The following ABCA6 variants were observed in gnomAD, a reference collection of about 807,000 sequenced individuals.
The protein encoded by ABCA6 is ATP-binding cassette sub-family A member 6.
Under a neutral mutation model 191.2 loss-of-function variants are expected in ABCA6, and 164 were observed. That is an observed-to-expected ratio of 0.86 (90% CI 0.76 to 0.98). The LOEUF is 0.98. ABCA6 is among the 50% of genes least tolerant of loss of function. The pLI is 0.00. For missense variants in ABCA6, 1,958 were observed against 1,894.1 expected (o/e 1.03, Z -0.63); for synonymous variants, 636 against 647.7 (o/e 0.98, Z 0.27).
intron 12 of ABCA6, 62 bp downstream of exon 12, chr17:69,115,314 C>G (rs1021162562): frequency 8.8e-7 from 1 of 1,138,184 alleles, no homozygotes; most frequent in African/African-American, 1.6e-5. Context: ...AAATGAGAGG[C>G]ATATGCTTGA....
chr17:69,140,407 C>T (rs1271963741), intron 2 of ABCA6, among the ~76,000 whole-genome samples: 4 of 152,098 alleles, frequency 2.6e-5, no homozygotes, highest in Non-Finnish European at 5.9e-5. Context: ...TTCACTTAAT[C>T]TCTTTTTATA....
chr17:69,134,985 T>C lies in ABCA6; in HGVS notation c.461-243A>G, dbSNP rs576355425. 6.9e-5 allele frequency among the ~76,000 whole-genome samples: 10 copies of C among 145,508 alleles called. No homozygotes were observed. The South Asian group carries it at 2.1e-3, about 30-fold the overall frequency. ...GCAACCTCCACCTCCTGGGTTCAAG[T>C]GATTCTCCTACCTCAGCCTCCCAAA... On this transcript the variant is annotated intron_variant, in intron 4 of 38. Transcript: ENST00000284425.
intron 6 of ABCA6, among the ~76,000 whole-genome samples, chr17:69,132,950 T>C (rs2073890952): frequency 6.6e-6 from 1 of 152,220 alleles, no homozygotes; most frequent in African/African-American, 2.4e-5. Context: ...TATGTAAATA[T>C]GTATACATAG....
intron 26 of ABCA6, among the ~76,000 whole-genome samples, chr17:69,090,394 T>C (rs1205686788): frequency 6.6e-6 from 1 of 152,212 alleles, no homozygotes; most frequent in Non-Finnish European, 1.5e-5. Flanking sequence ...TTTTCCTGCT[T>C]CAAGGCCTTT....
In ABCA6 at chr17:69,136,156, A is replaced by C. The variant is rs2073944682; in HGVS notation, c.396T>G (p.Thr132=). The C allele has an allele frequency of 6.2e-7, 1 of 1,607,124 alleles. No homozygotes were observed. Among genetic ancestry groups the C allele is most frequent in the Non-Finnish European group, 8.5e-7 (1 of 1,176,052 alleles). Residue 132 remains threonine (T), a synonymous_variant, in exon 4 of 39, where the codon ACT becomes ACG. Coordinates refer to ENST00000284425, the MANE Select transcript of ABCA6 (RefSeq NM_080284.3). ...PYAMGIIFNE[T]FSYKLIFFQG... is the part of the protein sequence containing the mutation. ...GGAAAAATATTAACTTATAAGAGAA[A>C]GTTTCATTAAAGATGATTCCCATAG...
At position 69,136,091 on chromosome 17, in the gene ABCA6, C is replaced by A. The variant is rs772836574; in HGVS notation, c.460+1G>T. 5.0e-6 allele frequency: 8 copies of A among 1,608,690 alleles called. No individual in the cohort carries two copies. The African/African-American group carries it at 6.7e-5, about 13-fold the overall frequency. ...TAATGATATTTGATATGGAAAGTCA[C>A]CTGAGAAATCTTCTTTCCAAAGTGG... On this transcript the variant is annotated splice_donor_variant, in intron 4 of 38. Coordinates refer to ENST00000284425, the MANE Select transcript of ABCA6 (RefSeq NM_080284.3). LOFTEE classifies it high-confidence loss of function.
chr17:69,103,566 G>A (rs369501213), intron 20 of ABCA6, among the ~76,000 whole-genome samples: 2 of 152,270 alleles, frequency 1.3e-5, no homozygotes, highest in Admixed American at 6.5e-5. Flanking sequence ...ACGTCTGACC[G>A]TGAAATACGA....
At chr17:69,081,485 A>G (rs575667837) in intron 36 of ABCA6, among the ~76,000 whole-genome samples, 1 of 152,302 alleles carries the variant, frequency 6.6e-6, no homozygotes, top group South Asian at 2.1e-4. Flanking sequence ...TTGTCATCAG[A>G]AAGCTAATTC....
At position 69,085,715 on chromosome 17, in the gene ABCA6, A is replaced by G. The variant is rs1447342633; in HGVS notation, c.3939T>C (p.Gly1313=). The G allele has an allele frequency of 6.3e-7, 1 of 1,590,648 alleles. No homozygotes were observed. Among genetic ancestry groups the G allele is most frequent in the Admixed American group, 1.7e-5 (1 of 58,354 alleles). The part of the protein sequence containing the change: ...ARNISFCVQE[G]EILGLLGPNG... ...TGGGTCCTAGCAATCCCAAAATTTC[A>G]CCTGAAAGAAAGAATCAGACTATCA... Residue 1313 remains glycine, a splice_region_variant and synonymous_variant, in exon 31 of 39, where the codon GGT becomes GGC. Transcript: ENST00000284425.
chr17:69,099,132 G>C (rs2073119079), intron 22 of ABCA6, among the ~76,000 whole-genome samples: 1 of 151,900 alleles, frequency 6.6e-6, no homozygotes. Flanking sequence ...TAACTTCAGG[G>C]AAAGGAACTT....
chr17:69,113,150 C>G lies in ABCA6; in HGVS notation c.2041+72G>C, dbSNP rs187399959. 9 of 1,524,140 alleles carry G rather than the reference C, an allele frequency of 5.9e-6. 1 individual carries two copies. In the South Asian group the frequency reaches 1.2e-4, roughly 20 times the overall value. The allele number at this position is 1,524,140 out of a possible 1,614,324, so 94.4% of individuals were successfully genotyped here. On this transcript the variant is annotated intron_variant, in intron 15 of 38. Coordinates refer to ENST00000284425, the MANE Select transcript of ABCA6 (RefSeq NM_080284.3). Reference sequence around the variant, plus strand: ...CACCATAATGAGAGCAGGGCTCTTACCCTGGGAATAGACCTCGCTTCTAAA... The same window carrying G: ...CACCATAATGAGAGCAGGGCTCTTAGCCTGGGAATAGACCTCGCTTCTAAA...
In ABCA6 at chr17:69,107,812, T is replaced by A. The variant is rs142343922; in HGVS notation, c.2273A>T (p.Asp758Val). ...LPLERTNTFP[D>V]LFSDLDKCSD... Reference sequence around the variant, plus strand: ...ACACTTATCCAGATCACTGAAAAGATCTAAGGCAAAAAAATATGAATAGAT... The same window carrying A: ...ACACTTATCCAGATCACTGAAAAGAACTAAGGCAAAAAAATATGAATAGAT... The change falls in exon 18 of 39, where the codon GAT becomes GTT. Residue 758 changes from aspartate (D) to valine (V), a missense_variant and splice_region_variant. Coordinates refer to ENST00000284425, the MANE Select transcript of ABCA6 (RefSeq NM_080284.3). 52 of 1,577,956 alleles carry A rather than the reference T, an allele frequency of 3.3e-5. No individual in the cohort carries two copies. The highest frequency in any genetic ancestry group is 4.3e-5 in the Non-Finnish European group (49 of 1,152,782).
intron 18 of ABCA6, among the ~76,000 whole-genome samples, chr17:69,106,574 C>G (rs752559565): frequency 3.6e-5 from 4 of 109,606 alleles, no homozygotes; most frequent in African/African-American, 7.3e-5. Context: ...GCCTAGGAGA[C>G]AGAGCAAGAC....
intron 25 of ABCA6, 78 bp from the exon 26 acceptor site, chr17:69,091,340 G>T: frequency 6.7e-7 from 1 of 1,486,776 alleles, no homozygotes; most frequent in Non-Finnish European, 9.2e-7. Flanking sequence ...AGATGCAGGT[G>T]TTCTCATGAT....
intron 1 of ABCA6, among the ~76,000 whole-genome samples, chr17:69,141,416 G>A (rs542281438): frequency 1.4e-4 from 21 of 151,972 alleles, no homozygotes; most frequent in African/African-American, 4.1e-4. Context: ...TAAATCACAC[G>A]GGAAAGTAAT....
At chr17:69,083,704 C>G (rs959417741) in intron 34 of ABCA6, among the ~76,000 whole-genome samples, 1 of 152,092 alleles carries the variant, frequency 6.6e-6, no homozygotes, top group Non-Finnish European at 1.5e-5. Context: ...ATAAGCGATT[C>G]TCTACATTTG....
At chr17:69,087,607 A>G in intron 28 of ABCA6, 134 bp from the exon 29 acceptor site, 2 of 1,224,472 alleles carry the variant, frequency 1.6e-6, no homozygotes, top group Non-Finnish European at 2.3e-6. Context: ...GACTGTCAAT[A>G]TTGCTTCTGC....
In ABCA6 at chr17:69,096,815, A is replaced by AG. The variant is rs777751603; in HGVS notation, c.3121-15_3121-14insC. 1.3e-5 allele frequency: 20 copies of AG among 1,520,632 alleles called. No homozygotes were observed. Among genetic ancestry groups the AG allele is most frequent in the Non-Finnish European group, 1.7e-5 (20 of 1,144,488 alleles). 94.2% of individuals were successfully genotyped at this position (1,520,632 alleles called of 1,614,324 possible). On this transcript the variant is annotated splice_polypyrimidine_tract_variant and intron_variant, in intron 23 of 38. Coordinates refer to ENST00000284425, the MANE Select transcript of ABCA6 (RefSeq NM_080284.3). ...CTTAGCATTTTTCTGATTAAAAAAA[A>AG]AAAGAAAGAAAGAAATGTATATAGA...
chr17:69,098,763 T>C (rs1450285436), intron 22 of ABCA6, among the ~76,000 whole-genome samples: 1 of 151,176 alleles, frequency 6.6e-6, no homozygotes, highest in African/African-American at 2.4e-5. Flanking sequence ...AAACTAGTAA[T>C]ATTCATAGAA....
Sources: allele counts gnomAD v4.1 joint callset (sites outside exome capture counted in the v4.1 genomes callset), GRCh38; gene constraint gnomAD v4.1.1; transcripts MANE v1.5; gene names NCBI Gene and HGNC (gene_info 2026-07-23, HGNC 2026-07-21).